TRAPPC9: variants seen among roughly 807,000 people sequenced by gnomAD.
TRAPPC9 encodes the protein trafficking protein particle complex subunit 9.
A neutral mutation model predicts 124.0 loss-of-function variants in TRAPPC9; 83 were observed. The observed-to-expected ratio is 0.67, with a 90% CI of 0.56 to 0.80. The LOEUF (loss-of-function observed/expected upper bound fraction) is 0.80. Ranked by LOEUF, TRAPPC9 falls within the 30% of genes least tolerant of loss-of-function variation. The probability of loss-of-function intolerance (pLI) is 0.00; values close to 1 mark genes in which losing one functional copy is unlikely to be tolerated. For synonymous variants in TRAPPC9, 638 were observed against 617.5 expected, an observed-to-expected ratio of 1.03 and a Z score of -0.49; for missense variants, 1,302 against 1,508.3, an observed-to-expected ratio of 0.86 and a Z score of 2.27.
At chr8:139,809,074 T>C (rs1488800936) in intron 21 of TRAPPC9, among the ~76,000 whole-genome samples, 2 of 152,344 alleles carry the variant, frequency 1.3e-5, no homozygotes, top group South Asian at 2.1e-4. Flanking sequence ...AGTCTACTGA[T>C]TGTAATATTT....
Position 140,425,626 on chromosome 8 carries a change from T to A in TRAPPC9, c.886+989A>T, listed in dbSNP as rs78832934. 1.6e-3 allele frequency among the ~76,000 whole-genome samples: 242 copies of A among 152,176 alleles called. 1 individual carries two copies. The highest frequency in any genetic ancestry group is 5.7e-3 in the African/African-American group (238 of 41,432). On this transcript the variant is annotated intron_variant, in intron 5 of 22. Transcript: ENST00000438773. Reference sequence around the variant, plus strand: ...AACTAATGTGATTGACACACTGCAATTCAGTATTTTATAGCAGGCATAACC... The same window carrying A: ...AACTAATGTGATTGACACACTGCAAATCAGTATTTTATAGCAGGCATAACC...
At chr8:140,186,591 G>A (rs1271157991) in intron 17 of TRAPPC9, among the ~76,000 whole-genome samples, 1 of 151,984 alleles carries the variant, frequency 6.6e-6, no homozygotes, top group Admixed American at 6.6e-5. Flanking sequence ...TTATTAAATG[G>A]CTACTCATAT....
chr8:140,061,899 C>A (rs936598070), intron 17 of TRAPPC9, among the ~76,000 whole-genome samples: 2 of 152,186 alleles, frequency 1.3e-5, no homozygotes, highest in Non-Finnish European at 2.9e-5. Flanking sequence ...ACCAGGCCCA[C>A]TCCAACATTA....
In TRAPPC9 at chr8:139,731,217, G is replaced by A. The variant is rs148857575; in HGVS notation, c.3291C>T (p.Ser1097=). The A allele has an allele frequency of 4.1e-4, 657 of 1,613,398 alleles. No homozygotes were observed. In the African/African-American group the frequency reaches 7.1e-3, roughly 17 times the overall value. Residue 1097 remains serine (S), a synonymous_variant, in exon 23 of 23, where the codon TCC becomes TCT. Coordinates refer to ENST00000438773, the MANE Select transcript of TRAPPC9 (RefSeq NM_001160372.4). The stretch of plus-strand genomic sequence containing the variant: ...GGGCCCCGAGGCAGGCCGACTGGCC[G>A]GACGGCTGCACCTGAGCAGGGAGGA... ...STFYLDAVQP[S]GQSACLGALL...
At chr8:139,841,405 A>G (rs1187207314) in intron 21 of TRAPPC9, among the ~76,000 whole-genome samples, 1 of 152,150 alleles carries the variant, frequency 6.6e-6, no homozygotes, top group Non-Finnish European at 1.5e-5. Flanking sequence ...GGGGCACAGG[A>G]GCCTGCTGGT....
At chr8:140,141,742 G>A (rs2061384626) in intron 17 of TRAPPC9, among the ~76,000 whole-genome samples, 1 of 152,218 alleles carries the variant, frequency 6.6e-6, no homozygotes, top group Non-Finnish European at 1.5e-5. Flanking sequence ...TAAGGGACTG[G>A]TTAGTCCATA....
intron 17 of TRAPPC9, among the ~76,000 whole-genome samples, chr8:140,033,409 G>A (rs1282677490): frequency 6.6e-6 from 1 of 152,062 alleles, no homozygotes; most frequent in Non-Finnish European, 1.5e-5. Flanking sequence ...TTATTTTGAG[G>A]TGGGTCATAC....
intron 18 of TRAPPC9, among the ~76,000 whole-genome samples, chr8:139,990,674 C>T (rs1224469965): frequency 6.6e-6 from 1 of 152,100 alleles, no homozygotes; most frequent in Non-Finnish European, 1.5e-5. Flanking sequence ...GCAACCTCCA[C>T]CTCCTGGGTT....
chr8:140,228,210 T>A (rs1375744386), intron 16 of TRAPPC9, among the ~76,000 whole-genome samples: 1 of 152,146 alleles, frequency 6.6e-6, no homozygotes, highest in African/African-American at 2.4e-5. Flanking sequence ...TAAACTAGAA[T>A]AAAATACATT....
rs537818003 is a variant in TRAPPC9, at chr8:140,011,747, G to A, written c.2699+12190C>T. On this transcript the variant is annotated intron_variant, in intron 18 of 22. Transcript: ENST00000438773. ...GGCTGGAGTGCAATGGCACGATCTC[G>A]GCTCACTGCAACCTCTGCCTCCTGG... Among the ~76,000 whole-genome samples, 17 of 143,744 alleles carry A rather than the reference G, an allele frequency of 1.2e-4. No individual in the cohort carries two copies. The South Asian group carries it at 2.6e-3, about 22-fold the overall frequency. The allele number at this position is 143,744 out of a possible 152,430, so 94.3% of individuals were successfully genotyped here. A position where few individuals can be genotyped will look rare whatever the true frequency, so the allele number is the denominator to read the frequency against.
chr8:140,442,596 A>T (rs2071060203), intron 2 of TRAPPC9, among the ~76,000 whole-genome samples: 1 of 43,294 alleles, frequency 2.3e-5, no homozygotes, highest in Non-Finnish European at 7.2e-5. Flanking sequence ...AGCCTCTGTC[A>T]AAAAAAAAAA....
At chr8:139,881,927 G>A (rs889582819) in intron 21 of TRAPPC9, among the ~76,000 whole-genome samples, 41 of 152,314 alleles carry the variant, frequency 2.7e-4, no homozygotes, top group African/African-American at 7.9e-4. Context: ...GCTCCTGCCT[G>A]GGCCTCCCTC....
intron 19 of TRAPPC9, among the ~76,000 whole-genome samples, chr8:139,956,532 C>T (rs751820660): frequency 1.2e-4 from 19 of 152,322 alleles, no homozygotes; most frequent in African/African-American, 3.6e-4. Context: ...GTTGGGCCTA[C>T]GCCTGACCTA....
chr8:140,283,217 G>A (rs1465548675), intron 14 of TRAPPC9, among the ~76,000 whole-genome samples: 6 of 150,530 alleles, frequency 4.0e-5, no homozygotes, highest in Non-Finnish European at 8.8e-5. Context: ...CAGCCTGGGT[G>A]ACAGAGTGGG....
chr8:140,301,409 C>T (rs974002401), intron 10 of TRAPPC9, among the ~76,000 whole-genome samples: 1 of 152,210 alleles, frequency 6.6e-6, no homozygotes, highest in Admixed American at 6.5e-5. Context: ...AGTTTGGGTA[C>T]TATTACTATT....
At chr8:139,869,504 T>C (rs957785378) in intron 21 of TRAPPC9, among the ~76,000 whole-genome samples, 3 of 152,222 alleles carry the variant, frequency 2.0e-5, no homozygotes, top group Non-Finnish European at 2.9e-5. Flanking sequence ...TGAGCATTAG[T>C]TGTGATTCAC....
chr8:139,820,169 T>A (rs1207980208), intron 21 of TRAPPC9, among the ~76,000 whole-genome samples: 2 of 151,758 alleles, frequency 1.3e-5, no homozygotes, highest in African/African-American at 4.8e-5. Context: ...AGAAAAAAAA[T>A]TATCTTATTT....
At chr8:140,039,883 C>G (rs568611605) in intron 17 of TRAPPC9, 1 of 152,362 alleles carries the variant, frequency 6.6e-6, no homozygotes, top group Non-Finnish European at 1.5e-5. Context: ...GATCTCTTCA[C>G]TGAACAATTA....
intron 7 of TRAPPC9, among the ~76,000 whole-genome samples, chr8:140,393,996 G>A (rs1443450038): frequency 6.6e-6 from 1 of 152,166 alleles, no homozygotes; most frequent in Non-Finnish European, 1.5e-5. Flanking sequence ...CCCTTTCGCC[G>A]TGTCTTTGCT....
Sources: allele counts gnomAD v4.1 joint callset (sites outside exome capture counted in the v4.1 genomes callset), GRCh38; gene constraint gnomAD v4.1.1; transcripts MANE v1.5; gene names NCBI Gene and HGNC (gene_info 2026-07-23, HGNC 2026-07-21).